The following RANBP2 variants were observed in gnomAD, a reference collection of about 807,000 sequenced individuals.
RANBP2 encodes the protein RAN binding protein 2.
RANBP2 carries 57 observed loss-of-function variants against 303.6 expected under a neutral mutation model. The observed-to-expected ratio is 0.19, with a 90% CI of 0.15 to 0.23. The LOEUF (loss-of-function observed/expected upper bound fraction) is 0.23, where lower values mean the gene tolerates loss of function less well. Ranked by LOEUF, RANBP2 falls within the 10% of genes least tolerant of loss-of-function variation. RANBP2 has a pLI of 1.00. For missense variants in RANBP2, 3,138 were observed against 3,780.8 expected, an observed-to-expected ratio of 0.83 and a Z score of 4.46; for synonymous variants, 1,167 against 1,301.5, an observed-to-expected ratio of 0.90 and a Z score of 2.23.
chr2:109,257,074 T>A, the RANBP2 span, among the ~76,000 whole-genome samples: 4 of 152,146 alleles, frequency 2.6e-5, no homozygotes, highest in Non-Finnish European at 4.4e-5. Flanking sequence ...AGGGGCACCG[T>A]GTATTTCAGT....
At chr2:109,723,142 AT>A in the RANBP2 span, among the ~76,000 whole-genome samples, 1 of 151,946 alleles carries the variant, frequency 6.6e-6, no homozygotes, top group Non-Finnish European at 1.5e-5. Flanking sequence ...TATTATTGGC[AT>A]TCTTTTTTTT....
chr2:108,729,216 A>G lies in RANBP2; in HGVS notation c.140+17A>G, dbSNP rs758608966. ...TGCTAAAAAGTAAGTACAAACTGTA[A>G]CATGTATTTTTTTTTTAAAATCAAT... On this transcript the variant is annotated intron_variant, in intron 2 of 28. Transcript: ENST00000283195. The G allele has an allele frequency of 6.2e-5, 97 of 1,563,724 alleles. No individual in the cohort carries two copies. Among genetic ancestry groups the G allele is most frequent in the Non-Finnish European group, 7.9e-5 (91 of 1,157,648 alleles).
At chr2:109,432,250 T>A in the RANBP2 span, among the ~76,000 whole-genome samples, 9 of 152,120 alleles carry the variant, frequency 5.9e-5, no homozygotes, top group East Asian at 1.5e-3. Context: ...GGAATCCTCC[T>A]AAGGCTGTGG....
At chr2:108,876,126 T>G in the RANBP2 span, 2 of 1,606,060 alleles carry the variant, frequency 1.2e-6, no homozygotes, top group Non-Finnish European at 1.7e-6. Context: ...ACGATTCATC[T>G]GATGCTTCAA....
chr2:108,975,855 C>T, the RANBP2 span, among the ~76,000 whole-genome samples: 19 of 152,196 alleles, frequency 1.2e-4, no homozygotes, highest in African/African-American at 4.6e-4. Context: ...AACTGCTGGA[C>T]GGCGTTCTGT....
At chr2:109,722,297 T>G in the RANBP2 span, among the ~76,000 whole-genome samples, 1 of 152,172 alleles carries the variant, frequency 6.6e-6, no homozygotes, top group African/African-American at 2.4e-5. Flanking sequence ...CACTAAGACC[T>G]GCTGGCCACA....
At chr2:109,607,206 T>G in the RANBP2 span, among the ~76,000 whole-genome samples, 1 of 152,216 alleles carries the variant, frequency 6.6e-6, no homozygotes, top group Non-Finnish European at 1.5e-5. Flanking sequence ...TTCCAAAAAT[T>G]CATATTAGTA....
At position 108,784,695 on chromosome 2, in the gene RANBP2, AC is replaced by A. The variant is rs1678483338; in HGVS notation, c.*796del. 6.6e-6 allele frequency: 1 copy of A among 152,620 alleles called. No individual in the cohort carries two copies. Among genetic ancestry groups the A allele is most frequent in the African/African-American group, 2.4e-5 (1 of 41,446 alleles). The allele number at this position is 152,620 out of a possible 1,614,324, so 9.5% of individuals were successfully genotyped here. On this transcript the variant is annotated 3_prime_UTR_variant, in exon 29 of 29. Transcript: ENST00000283195. ...GTATGAATATTTTTAGAAAGTCTATACCATGTTCTTTCGTTAAAGATTTGCT... is the reference window on the plus strand; with the variant it reads ...GTATGAATATTTTTAGAAAGTCTATACATGTTCTTTCGTTAAAGATTTGCT...
At chr2:109,452,692 G>A in the RANBP2 span, among the ~76,000 whole-genome samples, 1 of 152,350 alleles carries the variant, frequency 6.6e-6, no homozygotes, top group East Asian at 1.9e-4. Flanking sequence ...CAGTGGCTAT[G>A]GTCAAGGTCC....
chr2:109,542,684 G>T, the RANBP2 span, among the ~76,000 whole-genome samples: 1 of 152,184 alleles, frequency 6.6e-6, no homozygotes, highest in African/African-American at 2.4e-5. Context: ...ATCTTGCGAA[G>T]AAACTTCTGA....
At chr2:109,322,499 T>A in the RANBP2 span, among the ~76,000 whole-genome samples, 1 of 152,202 alleles carries the variant, frequency 6.6e-6, no homozygotes, top group African/African-American at 2.4e-5. Flanking sequence ...AAGCTGAAAT[T>A]TCTAAATAAG....
chr2:109,318,126 G>T, the RANBP2 span, among the ~76,000 whole-genome samples: 1 of 150,484 alleles, frequency 6.6e-6, no homozygotes. Flanking sequence ...CCTTTAAGCA[G>T]AAAAACCATT....
At chr2:109,238,097 A>G in the RANBP2 span, among the ~76,000 whole-genome samples, 112,523 of 152,188 alleles carry the variant, frequency 0.74, 42,177 homozygotes, top group East Asian at 0.89. Flanking sequence ...TCCCAGGTGG[A>G]GCTGAGGCAG....
chr2:109,017,864 G>A, the RANBP2 span, among the ~76,000 whole-genome samples: 6 of 152,128 alleles, frequency 3.9e-5, no homozygotes, highest in Admixed American at 1.3e-4. Context: ...TAAATCCCCC[G>A]TTGTTAGGCT....
At chr2:108,761,068 G>C (rs1182380328) in intron 18 of RANBP2, among the ~76,000 whole-genome samples, 1 of 149,422 alleles carries the variant, frequency 6.7e-6, no homozygotes, top group Non-Finnish European at 1.5e-5. Flanking sequence ...TTTAGAGTCA[G>C]TAGTCAATTA....
At chr2:108,732,771 T>C (rs1558878080) in intron 4 of RANBP2, among the ~76,000 whole-genome samples, 1 of 152,230 alleles carries the variant, frequency 6.6e-6, no homozygotes, top group Non-Finnish European at 1.5e-5. Flanking sequence ...CTTTATACTT[T>C]GGTGATTTCA....
the RANBP2 span, chr2:109,544,314 A>G: frequency 6.3e-7 from 1 of 1,591,948 alleles, no homozygotes; most frequent in Non-Finnish European, 8.5e-7. Context: ...CTGTTTTACA[A>G]AAAATTGGAG....
chr2:109,522,085 T>G, the RANBP2 span, among the ~76,000 whole-genome samples: 1 of 152,264 alleles, frequency 6.6e-6, no homozygotes, highest in African/African-American at 2.4e-5. Flanking sequence ...CAAAATTTAA[T>G]TTTAAAAAAA....
chr2:109,430,297 C>T, the RANBP2 span, among the ~76,000 whole-genome samples: 1 of 152,226 alleles, frequency 6.6e-6, no homozygotes, highest in Non-Finnish European at 1.5e-5. Flanking sequence ...GCAGGATTTA[C>T]ACTCAATTGT....
Sources: gnomAD v4.1 joint callset for allele counts (sites outside exome capture counted in the v4.1 genomes callset) on GRCh38, gnomAD v4.1.1 for gene constraint, MANE v1.5 for transcripts, NCBI Gene and HGNC (gene_info 2026-07-23, HGNC 2026-07-21) for gene names.